SDK1: variants seen among roughly 807,000 people sequenced by gnomAD.
SDK1 encodes the protein protein sidekick-1.
A neutral mutation model predicts 245.5 loss-of-function variants in SDK1; 157 were observed. The ratio of observed to expected loss-of-function variants is 0.64; its 90% confidence interval spans 0.56 to 0.73. The LOEUF is 0.73. Among genes scored for constraint, SDK1 ranks in the 30% least tolerant of loss-of-function variants. The pLI is 0.00. For missense variants in SDK1, 3,583 were observed against 3,002.3 expected, an observed-to-expected ratio of 1.19 and a Z score of -4.52; for synonymous variants, 1,647 against 1,278.5, an observed-to-expected ratio of 1.29 and a Z score of -6.15.
chr7:3,438,555 G>T (rs1394447225), intron 1 of SDK1, among the ~76,000 whole-genome samples: 2 of 152,190 alleles, frequency 1.3e-5, no homozygotes, highest in Admixed American at 6.5e-5. Context: ...CCATGTGTCA[G>T]TGCTGCTGAT....
At chr7:4,245,199 A>G (rs1055701779) in intron 43 of SDK1, among the ~76,000 whole-genome samples, 7 of 152,130 alleles carry the variant, frequency 4.6e-5, no homozygotes, top group Non-Finnish European at 8.8e-5. Flanking sequence ...CCCACCAGAC[A>G]GGGAGACCAG....
intron 22 of SDK1, among the ~76,000 whole-genome samples, chr7:4,104,799 C>T (rs1019379497): frequency 2.0e-5 from 3 of 151,992 alleles, no homozygotes; most frequent in East Asian, 1.9e-4. Flanking sequence ...ACATCCTGGG[C>T]GCTAATGATC....
At position 3,843,513 on chromosome 7, in the gene SDK1, G is replaced by A. The variant is rs536357804; in HGVS notation, c.847+21930G>A. The stretch of plus-strand genomic sequence containing the variant: ...ACTAAAGTCAACCTGTTTTCAATTG[G>A]TGATATTCCTTCATTAGTTTTAATT... On this transcript the variant is annotated intron_variant, in intron 5 of 44. Coordinates refer to ENST00000404826, the MANE Select transcript of SDK1 (RefSeq NM_152744.4). Among the ~76,000 whole-genome samples, 5 of 152,322 alleles carry A rather than the reference G, an allele frequency of 3.3e-5. 1 individual carries two copies. Among genetic ancestry groups the A allele is most frequent in the Non-Finnish European group, 7.3e-5 (5 of 68,034 alleles).
intron 1 of SDK1, among the ~76,000 whole-genome samples, chr7:3,607,399 C>G (rs1266632751): frequency 6.6e-6 from 1 of 152,200 alleles, no homozygotes; most frequent in Non-Finnish European, 1.5e-5. Context: ...GTAAAACCGA[C>G]TATACTATAT....
chr7:3,695,459 T>C (rs1439919634), intron 4 of SDK1, among the ~76,000 whole-genome samples: 1 of 152,228 alleles, frequency 6.6e-6, no homozygotes, highest in Non-Finnish European at 1.5e-5. Flanking sequence ...CATATGTTTT[T>C]TGTTATGGAG....
chr7:3,312,369 A>G (rs916957474), intron 1 of SDK1, among the ~76,000 whole-genome samples: 8 of 152,208 alleles, frequency 5.3e-5, no homozygotes, highest in African/African-American at 1.9e-4. Flanking sequence ...AAGGAAATGA[A>G]TCACCGTGAA....
At chr7:3,581,442 A>G (rs542283579) in intron 1 of SDK1, among the ~76,000 whole-genome samples, 15 of 152,350 alleles carry the variant, frequency 9.8e-5, no homozygotes, top group African/African-American at 3.4e-4. Flanking sequence ...CAAAACTACA[A>G]TGAGATGCCA....
At chr7:3,516,158 T>C (rs1782743099) in intron 1 of SDK1, among the ~76,000 whole-genome samples, 1 of 151,388 alleles carries the variant, frequency 6.6e-6, no homozygotes, top group Non-Finnish European at 1.5e-5. Context: ...TACATTTGCA[T>C]GTATATAAAC....
At chr7:3,481,213 G>A (rs1781511582) in intron 1 of SDK1, among the ~76,000 whole-genome samples, 1 of 152,114 alleles carries the variant, frequency 6.6e-6, no homozygotes, top group Admixed American at 6.5e-5. Context: ...TTTACAGTAG[G>A]TATTTTTATT....
chr7:3,980,807 T>C (rs1245248241), intron 13 of SDK1, among the ~76,000 whole-genome samples: 2 of 152,038 alleles, frequency 1.3e-5, no homozygotes, highest in Non-Finnish European at 2.9e-5. Context: ...CCGGGCGTGG[T>C]GTTGGGCACC....
At chr7:3,346,456 C>G (rs905097256) in intron 1 of SDK1, among the ~76,000 whole-genome samples, 4 of 152,108 alleles carry the variant, frequency 2.6e-5, no homozygotes, top group African/African-American at 9.7e-5. Context: ...TCAGATTCCA[C>G]AAGTGTGCTG....
chr7:3,998,507 C>G (rs535444494), intron 14 of SDK1, among the ~76,000 whole-genome samples: 2 of 152,230 alleles, frequency 1.3e-5, no homozygotes, highest in African/African-American at 4.8e-5. Flanking sequence ...AATACCCCTA[C>G]GTTTATGTGA....
chr7:3,735,970 C>G (rs976593996), intron 4 of SDK1, among the ~76,000 whole-genome samples: 3 of 152,104 alleles, frequency 2.0e-5, no homozygotes, highest in African/African-American at 7.2e-5. Flanking sequence ...ATGCTTTTTG[C>G]TCTTTTGTAA....
rs1301148635 is a variant in SDK1 at position 4,118,745 on chromosome 7, A to T, written c.3823+4471A>T. Among the ~76,000 whole-genome samples, 5 of 149,228 alleles carry T rather than the reference A, an allele frequency of 3.4e-5. No individual in the cohort carries two copies. In the East Asian group the frequency reaches 9.6e-4, roughly 29 times the overall value. ...TGCATTCAATGGATGATTCAGCAATAAAAAGGAATGGAATTCTGATACATG... is the reference window on the plus strand; with the variant it reads ...TGCATTCAATGGATGATTCAGCAATTAAAAGGAATGGAATTCTGATACATG... On this transcript the variant is annotated intron_variant, in intron 25 of 44. Coordinates refer to ENST00000404826, the MANE Select transcript of SDK1 (RefSeq NM_152744.4).
chr7:4,174,858 AC>A (rs1757843313), intron 33 of SDK1, among the ~76,000 whole-genome samples: 1 of 151,832 alleles, frequency 6.6e-6, no homozygotes, highest in Admixed American at 6.6e-5. Flanking sequence ...AGCTTCTAGA[AC>A]CCTGGAGAGG....
intron 1 of SDK1, among the ~76,000 whole-genome samples, chr7:3,582,159 G>C (rs1205912934): frequency 6.7e-6 from 1 of 150,254 alleles, no homozygotes; most frequent in African/African-American, 2.5e-5. Flanking sequence ...GCCTGTCTCA[G>C]GTAGGTCTCC....
At chr7:3,790,224 C>G (rs1484513309) in intron 4 of SDK1, among the ~76,000 whole-genome samples, 1 of 152,144 alleles carries the variant, frequency 6.6e-6, no homozygotes, top group Non-Finnish European at 1.5e-5. Context: ...GGGGCTGTCT[C>G]TGAAGAAATG....
intron 28 of SDK1, among the ~76,000 whole-genome samples, chr7:4,132,975 A>C (rs1198603276): frequency 6.6e-6 from 1 of 152,320 alleles, no homozygotes; most frequent in East Asian, 1.9e-4. Flanking sequence ...TTTGCGGCTC[A>C]TGGCGATACC....
At chr7:4,224,246 G>A (rs1175594476) in intron 40 of SDK1, among the ~76,000 whole-genome samples, 2 of 152,232 alleles carry the variant, frequency 1.3e-5, no homozygotes, top group Non-Finnish European at 2.9e-5. Flanking sequence ...TTGGCTCACA[G>A]TTCTGCAGGC....
Sources: allele counts gnomAD v4.1 joint callset (sites outside exome capture counted in the v4.1 genomes callset), GRCh38; gene constraint gnomAD v4.1.1; transcripts MANE v1.5; gene names NCBI Gene and HGNC (gene_info 2026-07-23, HGNC 2026-07-21).